MAF: variants seen among roughly 807,000 people sequenced by gnomAD.
MAF encodes the protein transcription factor Maf.
MAF carries 10 observed loss-of-function variants against 22.0 expected under a neutral mutation model. The ratio of observed to expected loss-of-function variants is 0.45; its 90% CI spans 0.28 to 0.77. The LOEUF (loss-of-function observed/expected upper bound fraction) is 0.77, where lower values mean the gene tolerates loss of function less well. Among genes scored for constraint, MAF ranks in the 30% least tolerant of loss-of-function variants. The pLI, the probability that MAF is intolerant of heterozygous loss-of-function variation, is 0.12. For synonymous variants in MAF, 337 were observed against 255.8 expected (o/e 1.32, Z -3.03); for missense variants, 544 against 548.4 (o/e 0.99, Z 0.08).
Position 79,600,007 on chromosome 16 carries a change from G to T in MAF, c.-105C>A. 1.3e-6 allele frequency: 2 copies of T among 1,518,648 alleles called. No individual in the cohort carries two copies. The highest frequency in any genetic ancestry group is 1.8e-6 in the Non-Finnish European group (2 of 1,118,988). The allele number at this position is 1,518,648 out of a possible 1,614,324, so 94.1% of individuals were successfully genotyped here. A position where few individuals can be genotyped will look rare whatever the true frequency, so the allele number is the denominator to read the frequency against. On this transcript the variant is annotated 5_prime_UTR_variant, in exon 1 of 2. Coordinates refer to ENST00000326043, the MANE Select transcript of MAF (RefSeq NM_005360.5). ...GCCAGCGGGTGAGCCAGCTTGCCGG[G>T]CTGGGGCGCTTCTAGCTTGCGCGGC... is the stretch of plus-strand genomic sequence containing the variant.
the MAF span, among the ~76,000 whole-genome samples, chr16:79,556,233 A>T: frequency 6.6e-6 from 1 of 152,182 alleles, no homozygotes; most frequent in Non-Finnish European, 1.5e-5. Flanking sequence ...AATAATATCA[A>T]ATACCACTTA....
the MAF span, among the ~76,000 whole-genome samples, chr16:79,330,272 C>T: frequency 1.8e-4 from 27 of 152,140 alleles, no homozygotes; most frequent in Admixed American, 1.7e-3. Context: ...TTTTTGAGAA[C>T]AAAATGTGTA....
At chr16:79,321,752 G>C in the MAF span, among the ~76,000 whole-genome samples, 1 of 143,822 alleles carries the variant, frequency 7.0e-6, no homozygotes, top group Non-Finnish European at 1.5e-5. Context: ...CCAGGTTCAC[G>C]ACATTCTCCT....
chr16:79,561,912 G>C, the MAF span, among the ~76,000 whole-genome samples: 1 of 152,134 alleles, frequency 6.6e-6, no homozygotes, highest in Admixed American at 6.5e-5. Flanking sequence ...AAGTATTGCA[G>C]GGCACTCAGC....
the MAF span, among the ~76,000 whole-genome samples, chr16:79,282,511 A>G: frequency 6.6e-6 from 1 of 152,186 alleles, no homozygotes; most frequent in Non-Finnish European, 1.5e-5. Flanking sequence ...TGAATCTTTA[A>G]GTGACAGAAG....
At chr16:79,577,704 T>C in the MAF span, among the ~76,000 whole-genome samples, 1 of 152,228 alleles carries the variant, frequency 6.6e-6, no homozygotes, top group African/African-American at 2.4e-5. Context: ...TTTCTGTACA[T>C]ATTTTTAAAA....
the MAF span, among the ~76,000 whole-genome samples, chr16:79,437,634 G>T: frequency 6.6e-6 from 1 of 152,200 alleles, no homozygotes; most frequent in South Asian, 2.1e-4. Flanking sequence ...ACCTCCGAGA[G>T]CTCATGCCGG....
chr16:79,517,939 G>A, the MAF span, among the ~76,000 whole-genome samples: 1 of 152,166 alleles, frequency 6.6e-6, no homozygotes, highest in Non-Finnish European at 1.5e-5. Flanking sequence ...ACCAAGGGCA[G>A]GGTCTTTTTG....
the MAF span, among the ~76,000 whole-genome samples, chr16:79,471,447 C>A: frequency 6.6e-6 from 1 of 152,138 alleles, no homozygotes; most frequent in South Asian, 2.1e-4. Context: ...TGCTTGAGCC[C>A]AGGAGTTACA....
the MAF span, among the ~76,000 whole-genome samples, chr16:79,244,079 G>A: frequency 6.6e-6 from 1 of 151,934 alleles, no homozygotes; most frequent in Non-Finnish European, 1.5e-5. Flanking sequence ...AATAATAAGA[G>A]CTATTTATGA....
chr16:79,396,912 G>C, the MAF span, among the ~76,000 whole-genome samples: 1 of 152,236 alleles, frequency 6.6e-6, no homozygotes, highest in African/African-American at 2.4e-5. Flanking sequence ...AGGAGGCCAT[G>C]GCCCTAGCTC....
the MAF span, among the ~76,000 whole-genome samples, chr16:79,343,331 A>AGAC: frequency 2.0e-5 from 3 of 151,860 alleles, no homozygotes; most frequent in East Asian, 5.8e-4. Context: ...AGGACTTCCT[A>AGAC]TGTTAGCCTC....
chr16:79,406,822 G>A, the MAF span, among the ~76,000 whole-genome samples: 1 of 152,094 alleles, frequency 6.6e-6, no homozygotes, highest in Non-Finnish European at 1.5e-5. Flanking sequence ...GCCCAAGAAG[G>A]GCAGAGCCGC....
the MAF span, among the ~76,000 whole-genome samples, chr16:79,275,762 A>C: frequency 9.9e-5 from 15 of 152,196 alleles, no homozygotes; most frequent in Non-Finnish European, 1.9e-4. Context: ...GGGGAAAGGC[A>C]AGAGGAGAAC....
At chr16:79,353,942 C>T in the MAF span, among the ~76,000 whole-genome samples, 1 of 152,106 alleles carries the variant, frequency 6.6e-6, no homozygotes, top group Non-Finnish European at 1.5e-5. Flanking sequence ...ATGCCATGGT[C>T]TTCATGGAGA....
At chr16:79,466,488 A>G in the MAF span, among the ~76,000 whole-genome samples, 1 of 152,240 alleles carries the variant, frequency 6.6e-6, no homozygotes, top group Non-Finnish European at 1.5e-5. Flanking sequence ...ATTAAATAAT[A>G]AAAAGAATCC....
chr16:79,342,914 A>C, the MAF span, among the ~76,000 whole-genome samples: 2 of 152,274 alleles, frequency 1.3e-5, no homozygotes, highest in Non-Finnish European at 2.9e-5. Flanking sequence ...CTTACAGTTA[A>C]ATTGCTCTCC....
chr16:79,232,331 C>A, the MAF span, among the ~76,000 whole-genome samples: 1 of 152,092 alleles, frequency 6.6e-6, no homozygotes, highest in Non-Finnish European at 1.5e-5. Context: ...TTCTTACCTT[C>A]ACATGTAAAC....
At chr16:79,334,962 A>T in the MAF span, among the ~76,000 whole-genome samples, 1 of 151,716 alleles carries the variant, frequency 6.6e-6, no homozygotes, top group African/African-American at 2.4e-5. Flanking sequence ...TGAGGCGGGC[A>T]GATCACCAGG....
Sources: allele counts gnomAD v4.1 joint callset (sites outside exome capture counted in the v4.1 genomes callset), GRCh38; gene constraint gnomAD v4.1.1; transcripts MANE v1.5; gene names NCBI Gene and HGNC (gene_info 2026-07-23, HGNC 2026-07-21).